GRIP2: variants seen among roughly 807,000 people sequenced by gnomAD.
GRIP2 encodes glutamate receptor interacting protein 2.
GRIP2 carries 58 observed loss-of-function variants against 108.3 expected under a neutral mutation model. The ratio of observed to expected loss-of-function variants is 0.54; its 90% CI spans 0.43 to 0.67. GRIP2 has a LOEUF of 0.67. GRIP2 is among the 30% of genes least tolerant of loss of function. The pLI is 0.00. For synonymous variants in GRIP2, 586 were observed against 598.2 expected, an observed-to-expected ratio of 0.98 and a Z score of 0.30; for missense variants, 1,278 against 1,430.6, an observed-to-expected ratio of 0.89 and a Z score of 1.72.
At chr3:14,551,469 G>T (rs1695148021) in intron 1 of GRIP2, among the ~76,000 whole-genome samples, 1 of 152,160 alleles carries the variant, frequency 6.6e-6, no homozygotes, top group Non-Finnish European at 1.5e-5. Flanking sequence ...TCTGCAACAG[G>T]GACATACAGA....
upstream of GRIP2, among the ~76,000 whole-genome samples, chr3:14,546,368 A>C (rs1406672459): frequency 6.6e-6 from 1 of 151,964 alleles, no homozygotes; most frequent in African/African-American, 2.4e-5. Flanking sequence ...CCTAACTTCT[A>C]TTTTGCAATG....
the GRIP2 span, among the ~76,000 whole-genome samples, chr3:14,589,779 C>CTTTTT: frequency 8.4e-6 from 1 of 119,050 alleles, no homozygotes; most frequent in Non-Finnish European, 1.7e-5. Context: ...ACAGACTACA[C>CTTTTT]TTTTTTTTTT....
chr3:14,553,927 C>T (rs558516870), intron 1 of GRIP2, among the ~76,000 whole-genome samples: 21 of 152,284 alleles, frequency 1.4e-4, no homozygotes, highest in African/African-American at 5.1e-4. Flanking sequence ...CTCAAGTCTC[C>T]GCAGTGTGTC....
chr3:14,540,423 TGGGCACCGAGTCCACCCACTGCAGC>T (rs1000156591), upstream of GRIP2: 1 of 1,599,310 alleles, frequency 6.3e-7, no homozygotes, highest in Non-Finnish European at 8.5e-7. This position sits in a 1 kb window ranked among gnomAD's most constrained non-coding sequence, Gnocchi z 4.1. Context: ...TCCCACTGGC[TGGGCACCGAGTCCACCCACTGCAGC>T]GGGCGGCTCT....
chr3:14,577,321 AAAAAG>A, the GRIP2 span, among the ~76,000 whole-genome samples: 2 of 152,226 alleles, frequency 1.3e-5, no homozygotes, highest in African/African-American at 4.8e-5. Context: ...TGTGAGTCAG[AAAAAG>A]AAAAGAAGAC....
chr3:14,500,795 G>A (rs959759969), intron 21 of GRIP2, among the ~76,000 whole-genome samples: 11 of 152,094 alleles, frequency 7.2e-5, no homozygotes, highest in Non-Finnish European at 1.3e-4. Context: ...AAGAAGCAAA[G>A]GTGATAACAG....
At position 14,505,313 on chromosome 3, in the gene GRIP2, G is replaced by A. The variant is rs1385798621; in HGVS notation, c.2573+302C>T. Among the ~76,000 whole-genome samples the A allele has an allele frequency of 6.6e-6, 1 of 152,114 alleles. No individual in the cohort carries two copies. The highest frequency in any genetic ancestry group is 1.9e-4 in the East Asian group (1 of 5,168). On this transcript the variant is annotated intron_variant, in intron 20 of 23. Transcript: ENST00000621039. This position sits in a 1 kb window ranked among gnomAD's most constrained non-coding sequence, Gnocchi z 4.2. ...CATCTGGGGTAAGTCAGGTGGGCCT[G>A]GGTTCAAGTTCTGAGTCTGCTGCTC... is the stretch of plus-strand genomic sequence containing the variant.
At chr3:14,524,612 C>T in intron 3 of GRIP2, 74 bp from the exon 4 acceptor site, 3 of 1,452,278 alleles carry the variant, frequency 2.1e-6, no homozygotes, top group Non-Finnish European at 2.8e-6. Flanking sequence ...CACCCACCCT[C>T]CTCTGGAATC....
chr3:14,511,048 T>C lies in GRIP2; in HGVS notation c.1933+117A>G. The C allele has an allele frequency of 8.0e-7, 1 of 1,245,642 alleles. No homozygotes were observed. Among genetic ancestry groups the C allele is most frequent in the Non-Finnish European group, 1.1e-6 (1 of 898,972 alleles). The allele number at this position is 1,245,642 out of a possible 1,614,324, so 77.2% of individuals were successfully genotyped here. A position where few individuals can be genotyped will look rare whatever the true frequency, so the allele number is the denominator to read the frequency against. On this transcript the variant is annotated intron_variant, in intron 16 of 23. Coordinates refer to ENST00000621039, the MANE Select transcript of GRIP2 (RefSeq NM_001080423.4). The surrounding 1 kb of genome is among the most constrained non-coding windows in gnomAD (Gnocchi z 4.1). ...TTCATTTGTTCATTCCAGCCAGCCT[T>C]CAGCAGCGCCCACCACCCTCCCTTC...
Position 14,511,483 on chromosome 3 carries a change from G to T in GRIP2, c.1721-4C>A. On this transcript the variant is annotated splice_region_variant and splice_polypyrimidine_tract_variant and intron_variant, in intron 14 of 23. Transcript: ENST00000621039. This position sits in a 1 kb window ranked among gnomAD's most constrained non-coding sequence, Gnocchi z 4.1. ...TCCCCTCGTTTCCTGCTGGCCGCTG[G>T]AGAAAAAGAGGCCATGAATCTGACC... The T allele has an allele frequency of 6.2e-7, 1 of 1,613,066 alleles. No homozygotes were observed.
intron 1 of GRIP2, among the ~76,000 whole-genome samples, chr3:14,548,754 C>G (rs1695096589): frequency 6.6e-6 from 1 of 152,238 alleles, no homozygotes; most frequent in South Asian, 2.1e-4. Context: ...ATTGCAGTTC[C>G]CATGCTACAG....
At position 14,505,860 on chromosome 3, in the gene GRIP2, C is replaced by T; in HGVS notation, c.2399-71G>A. On this transcript the variant is annotated intron_variant, in intron 19 of 23. Transcript: ENST00000621039. The surrounding 1 kb of genome is among the most constrained non-coding windows in gnomAD (Gnocchi z 4.2). ...GCCCTCCTGCCTGCCCCATTTCCAGCTGTGCTGAGTGACCCTGGGGAGGTC... is the reference window on the plus strand; with the variant it reads ...GCCCTCCTGCCTGCCCCATTTCCAGTTGTGCTGAGTGACCCTGGGGAGGTC... 2.8e-6 allele frequency: 4 copies of T among 1,408,532 alleles called. No homozygotes were observed. In the South Asian group the frequency reaches 4.4e-5, roughly 16 times the overall value. 87.3% of individuals were successfully genotyped at this position (1,408,532 alleles called of 1,614,324 possible).
At chr3:14,544,700 G>T (rs888908917), upstream of GRIP2, among the ~76,000 whole-genome samples, 1 of 152,190 alleles carries the variant, frequency 6.6e-6, no homozygotes, top group Non-Finnish European at 1.5e-5. Flanking sequence ...CACCCCAGGG[G>T]CCGGGCCAGG....
intron 16 of GRIP2, among the ~76,000 whole-genome samples, chr3:14,510,595 G>GAA (rs1414772978): frequency 1.3e-5 from 2 of 151,930 alleles, no homozygotes; most frequent in Non-Finnish European, 2.9e-5. Context: ...GAAAAGAAAA[G>GAA]AAAAGAAATC....
the GRIP2 span, among the ~76,000 whole-genome samples, chr3:14,591,093 G>C: frequency 6.6e-5 from 10 of 152,080 alleles, no homozygotes; most frequent in Non-Finnish European, 1.3e-4. Context: ...TCAGATGTGG[G>C]CACAGCACAC....
chr3:14,599,776 C>T, the GRIP2 span, among the ~76,000 whole-genome samples: 2 of 150,004 alleles, frequency 1.3e-5, no homozygotes, highest in Admixed American at 1.3e-4. Flanking sequence ...AAAGCCTGTC[C>T]TTAGCTTCAA....
chr3:14,587,639 C>CAAA, the GRIP2 span, among the ~76,000 whole-genome samples: 1 of 124,394 alleles, frequency 8.0e-6, no homozygotes, highest in African/African-American at 2.9e-5. Flanking sequence ...ATGCCATCTC[C>CAAA]AAAAAAAAAA....
intron 1 of GRIP2, among the ~76,000 whole-genome samples, chr3:14,548,905 C>T (rs1228345302): frequency 1.3e-5 from 2 of 152,186 alleles, no homozygotes. Flanking sequence ...GAATGTTCTT[C>T]CTCACTTTCA....
rs372222795 is a variant in GRIP2 at position 14,507,674 on chromosome 3, C to T, written c.2105G>A (p.Arg702His). The change falls in exon 18 of 24, where the codon CGC becomes CAC. Residue 702 changes from arginine to histidine, a missense_variant. Arg to His is a conservative substitution (Grantham distance 29). Coordinates refer to ENST00000621039, the MANE Select transcript of GRIP2 (RefSeq NM_001080423.4). The surrounding 1 kb of genome is among the most constrained non-coding windows in gnomAD (Gnocchi z 4.6). Reference sequence around the variant, plus strand: ...GCTAACGTTGTTGATGGCCAGAATGCGGTCCCCCACGTGGATGGCACCAGT... The same window carrying T: ...GCTAACGTTGTTGATGGCCAGAATGTGGTCCCCCACGTGGATGGCACCAGT... ...ERTGAIHVGD[R>H]ILAINNVSLK... 19 of 1,613,798 alleles carry T rather than the reference C, an allele frequency of 1.2e-5. No homozygotes were observed. The highest frequency in any genetic ancestry group is 4.0e-5 in the African/African-American group (3 of 74,904).
Sources: gnomAD v4.1 joint callset for allele counts (sites outside exome capture counted in the v4.1 genomes callset) on GRCh38, gnomAD v4.1.1 for gene constraint, Gnocchi (gnomAD v3.1) non-coding constraint, MANE v1.5 for transcripts, NCBI Gene and HGNC (gene_info 2026-07-23, HGNC 2026-07-21) for gene names.